The following MECOM variants were observed in gnomAD, a reference collection of about 807,000 sequenced individuals.
MECOM encodes the protein MDS1 and EVI1 complex locus.
In MECOM, 13 loss-of-function variants were observed where a neutral mutation model predicts 116.3. The ratio of observed to expected loss-of-function variants is 0.11; its 90% CI spans 0.07 to 0.18. The LOEUF is 0.18. Among genes scored for constraint, MECOM ranks in the 10% least tolerant of loss-of-function variants. MECOM has a pLI of 1.00. For synonymous variants in MECOM, 528 were observed against 535.2 expected, an observed-to-expected ratio of 0.99 and a Z score of 0.19; for missense variants, 1,299 against 1,509.0, an observed-to-expected ratio of 0.86 and a Z score of 2.31.
intron 1 of MECOM, among the ~76,000 whole-genome samples, chr3:169,476,306 G>A (rs796409264): frequency 1.1e-4 from 17 of 152,184 alleles, no homozygotes; most frequent in African/African-American, 3.6e-4. Flanking sequence ...TATTTATTGA[G>A]CCCTGAAGAT....
intron 2 of MECOM, among the ~76,000 whole-genome samples, chr3:169,229,202 G>A (rs765952112): frequency 1.3e-5 from 2 of 152,146 alleles, no homozygotes; most frequent in African/African-American, 2.4e-5. Flanking sequence ...TCCTTATACA[G>A]GAACTGAAGA....
chr3:169,242,684 G>C (rs1445409386), intron 2 of MECOM, among the ~76,000 whole-genome samples: 1 of 152,114 alleles, frequency 6.6e-6, no homozygotes. Context: ...AACACGAACA[G>C]AGGCTGCAGT....
At chr3:169,427,652 T>C (rs1560260955) in intron 1 of MECOM, among the ~76,000 whole-genome samples, 1 of 152,192 alleles carries the variant, frequency 6.6e-6, no homozygotes, top group Non-Finnish European at 1.5e-5. Flanking sequence ...CAATCTCTTG[T>C]ACAGAAGATG....
intron 1 of MECOM, among the ~76,000 whole-genome samples, chr3:169,606,844 C>T (rs1768641235): frequency 6.6e-6 from 1 of 152,146 alleles, no homozygotes; most frequent in Non-Finnish European, 1.5e-5. Context: ...TTATAAATTG[C>T]AGATAATTTA....
At chr3:169,658,045 A>C (rs1358930902) in intron 1 of MECOM, among the ~76,000 whole-genome samples, 2 of 152,136 alleles carry the variant, frequency 1.3e-5, no homozygotes, top group Non-Finnish European at 2.9e-5. Context: ...CTATACAGCC[A>C]ATTTCCTTGA....
intron 1 of MECOM, among the ~76,000 whole-genome samples, chr3:169,571,855 C>G (rs969063599): frequency 2.6e-5 from 4 of 152,194 alleles, no homozygotes; most frequent in African/African-American, 9.7e-5. Flanking sequence ...GGATTAAAAA[C>G]TTAAACGTGA....
rs527868465 is a variant in MECOM, at chr3:169,216,577, T to TAAAA, written c.376-72749_376-72746dup. ...GCTAATTTACACAAACCTTCTCTAG[T>TAAAA]AAAAAAAAAAAAAAAGTACACTATA... is the stretch of plus-strand genomic sequence containing the variant. On this transcript the variant is annotated intron_variant, in intron 2 of 16. Coordinates refer to ENST00000651503, the MANE Select transcript of MECOM (RefSeq NM_004991.4). Among the ~76,000 whole-genome samples the TAAAA allele has an allele frequency of 9.5e-4, 127 of 133,852 alleles. 2 individuals are homozygous for TAAAA. The highest frequency in any genetic ancestry group is 1.6e-3 in the African/African-American group (60 of 36,924). 87.8% of individuals were successfully genotyped at this position (133,852 alleles called of 152,430 possible).
At chr3:169,165,643 GTTC>G (rs1262850335) in intron 2 of MECOM, among the ~76,000 whole-genome samples, 2 of 152,112 alleles carry the variant, frequency 1.3e-5, no homozygotes, top group African/African-American at 4.8e-5. Context: ...AATGTTAAAT[GTTC>G]ACAAGATAAG....
chr3:169,277,826 C>A (rs1476739224), intron 2 of MECOM, among the ~76,000 whole-genome samples: 4 of 152,184 alleles, frequency 2.6e-5, no homozygotes, highest in Non-Finnish European at 5.9e-5. Flanking sequence ...AGGGAACTCA[C>A]ACCGCAAAAC....
intron 2 of MECOM, among the ~76,000 whole-genome samples, chr3:169,200,606 G>A (rs76061639): frequency 0.013 from 1,958 of 152,108 alleles, 53 homozygotes; most frequent in African/African-American, 0.045. Flanking sequence ...AAATGAAAGC[G>A]ATCTTAGTTT....
chr3:169,259,623 G>A (rs1461641973), intron 2 of MECOM, among the ~76,000 whole-genome samples: 1 of 152,156 alleles, frequency 6.6e-6, no homozygotes, highest in Non-Finnish European at 1.5e-5. Flanking sequence ...CAGCCACTCG[G>A]GAGGCTGAGG....
At chr3:169,174,177 G>A (rs758169053) in intron 2 of MECOM, among the ~76,000 whole-genome samples, 1 of 152,090 alleles carries the variant, frequency 6.6e-6, no homozygotes, top group African/African-American at 2.4e-5. Context: ...GGAAGTCTAC[G>A]TATTATTTTT....
At chr3:169,355,924 T>C (rs1727200146) in intron 2 of MECOM, among the ~76,000 whole-genome samples, 1 of 151,878 alleles carries the variant, frequency 6.6e-6, no homozygotes, top group African/African-American at 2.4e-5. Context: ...GAATGTTTGT[T>C]TTTGATGGGG....
At position 169,611,180 on chromosome 3, in the gene MECOM, G is replaced by A. The variant is rs1185988260; in HGVS notation, c.37+52156C>T. Among the ~76,000 whole-genome samples, 2 of 152,210 alleles carry A rather than the reference G, an allele frequency of 1.3e-5. No individual in the cohort carries two copies. Among genetic ancestry groups the A allele is most frequent in the Non-Finnish European group, 2.9e-5 (2 of 68,030 alleles). ...CTAAGCTTAGGAAACCTTGCCCAAA[G>A]GATACCATTCTGTCTCTTGGGAAAC... is the stretch of plus-strand genomic sequence containing the variant. On this transcript the variant is annotated intron_variant, in intron 1 of 16. Transcript: ENST00000651503. The surrounding 1 kb of genome is among the most constrained non-coding windows in gnomAD (Gnocchi z 4.1).
intron 2 of MECOM, among the ~76,000 whole-genome samples, chr3:169,200,461 G>T (rs1748994485): frequency 6.6e-6 from 1 of 151,830 alleles, no homozygotes; most frequent in South Asian, 2.1e-4. Flanking sequence ...CAAGATCTAG[G>T]TTTGTCTAAA....
At chr3:169,265,009 ATCT>A (rs1219888033) in intron 2 of MECOM, among the ~76,000 whole-genome samples, 3 of 151,918 alleles carry the variant, frequency 2.0e-5, no homozygotes, top group Non-Finnish European at 4.4e-5. Context: ...ACCAACTAAG[ATCT>A]TCTTAAGCAG....
chr3:169,147,953 C>G (rs1005383392), intron 2 of MECOM, among the ~76,000 whole-genome samples: 2 of 151,956 alleles, frequency 1.3e-5, no homozygotes, highest in Non-Finnish European at 2.9e-5. Flanking sequence ...TTTAGAAATT[C>G]TCAGAAAACA....
intron 2 of MECOM, among the ~76,000 whole-genome samples, chr3:169,285,660 G>A (rs1016968613): frequency 6.6e-6 from 1 of 152,170 alleles, no homozygotes; most frequent in Non-Finnish European, 1.5e-5. Flanking sequence ...AAAATATTCT[G>A]ATTAGTTAAG....
At chr3:169,245,130 C>T (rs1577453175) in intron 2 of MECOM, among the ~76,000 whole-genome samples, 4 of 152,178 alleles carry the variant, frequency 2.6e-5, no homozygotes, top group Admixed American at 2.6e-4. Flanking sequence ...TATGGAGAGA[C>T]AGAATGAAGA....
Sources: allele counts gnomAD v4.1 joint callset (sites outside exome capture counted in the v4.1 genomes callset), GRCh38; gene constraint gnomAD v4.1.1; non-coding constraint Gnocchi (gnomAD v3.1); transcripts MANE v1.5; gene names NCBI Gene and HGNC (gene_info 2026-07-23, HGNC 2026-07-21).